Variants in SMG6 observed in about 807,000 individuals in gnomAD.
SMG6 encodes SMG6 nonsense mediated mRNA decay factor, also known as telomerase-binding protein EST1A.
Under a neutral mutation model 142.2 loss-of-function variants are expected in SMG6, and 66 were observed. The observed-to-expected ratio is 0.46, with a 90% CI of 0.38 to 0.57. SMG6 has a LOEUF of 0.57. Ranked by LOEUF, SMG6 falls within the 20% of genes least tolerant of loss-of-function variation. The probability of loss-of-function intolerance (pLI) is 0.00; values close to 1 mark genes in which losing one functional copy is unlikely to be tolerated. For missense variants in SMG6, 1,793 were observed against 1,832.0 expected (o/e 0.98, Z 0.39); for synonymous variants, 779 against 702.4 (o/e 1.11, Z -1.72).
Position 2,282,704 on chromosome 17 carries a change from A to C in SMG6, c.2604T>G (p.Thr868=), listed in dbSNP as rs373141049. The change falls in exon 8 of 19, where the codon ACT becomes ACG. Residue 868 remains threonine, a synonymous_variant. Coordinates refer to ENST00000263073, the MANE Select transcript of SMG6 (RefSeq NM_017575.5). ...HPSHPRSSQG[T]ESGKDSEQEN... ...CTTGCTCAGAATCCTTCCCAGACTC[A>C]GTGCCCTGGGAAGACCGTGGATGGG... The C allele has an allele frequency of 1.1e-5, 17 of 1,614,030 alleles. No homozygotes were observed. The highest frequency in any genetic ancestry group is 1.4e-5 in the Non-Finnish European group (17 of 1,180,020).
At chr17:2,194,980 C>T (rs1463028440) in intron 10 of SMG6, among the ~76,000 whole-genome samples, 2 of 152,192 alleles carry the variant, frequency 1.3e-5, no homozygotes, top group Non-Finnish European at 2.9e-5. Context: ...TGGGCCAAGT[C>T]CTGTCTTTCC....
intron 8 of SMG6, among the ~76,000 whole-genome samples, chr17:2,270,508 T>C (rs1372686372): frequency 1.3e-5 from 2 of 152,098 alleles, no homozygotes; most frequent in African/African-American, 4.8e-5. Flanking sequence ...CTCAGGAGGC[T>C]GAGGCAGGAA....
At chr17:2,134,911 ACT>A (rs2070245041) in intron 13 of SMG6, among the ~76,000 whole-genome samples, 1 of 151,438 alleles carries the variant, frequency 6.6e-6, no homozygotes, top group African/African-American at 2.4e-5. Flanking sequence ...ACAGAGTCTC[ACT>A]CTGTCACCCA....
Position 2,065,527 on chromosome 17 carries a change from T to C in SMG6, c.3988A>G (p.Ser1330Gly), listed in dbSNP as rs2067916625. 6.2e-7 allele frequency: 1 copy of C among 1,614,000 alleles called. No homozygotes were observed. The highest frequency in any genetic ancestry group is 1.3e-5 in the African/African-American group (1 of 75,054). Reference sequence around the variant, plus strand: ...ATGGATTCGAGTTCATTGCCACGGCTGGTCAGGGCTCGCAGGCAAGAGTCC... The same window carrying C: ...ATGGATTCGAGTTCATTGCCACGGCCGGTCAGGGCTCGCAGGCAAGAGTCC... Reference protein sequence around the residue: ...SRDSCLRALTSRGNELESIAF... With the variant: ...SRDSCLRALTGRGNELESIAF... The change falls in exon 17 of 19, where the codon AGC (serine) becomes GGC (glycine). Residue 1330 changes from serine (S) to glycine (G), a missense_variant. Physicochemically the swap from Ser to Gly is moderately conservative, Grantham distance 56. Coordinates refer to ENST00000263073, the MANE Select transcript of SMG6 (RefSeq NM_017575.5).
chr17:2,283,606 C>A lies in SMG6; in HGVS notation c.2448+19G>T, dbSNP rs1408900631. 6.3e-7 allele frequency: 1 copy of A among 1,582,914 alleles called. No homozygotes were observed. Among genetic ancestry groups the A allele is most frequent in the Non-Finnish European group, 8.7e-7 (1 of 1,151,920 alleles). ...TGCACTATTCGAGGAAGGAAGGGTT[C>A]TGCCACATCCCCACTCACCTTCCGC... On this transcript the variant is annotated intron_variant, in intron 7 of 18. Coordinates refer to ENST00000263073, the MANE Select transcript of SMG6 (RefSeq NM_017575.5).
chr17:2,155,140 C>G (rs750114755), intron 13 of SMG6, among the ~76,000 whole-genome samples: 3 of 151,854 alleles, frequency 2.0e-5, no homozygotes, highest in Non-Finnish European at 4.4e-5. Flanking sequence ...GCAACCTCCA[C>G]CTTGCTGGTT....
intron 1 of SMG6, among the ~76,000 whole-genome samples, chr17:2,301,659 G>A (rs138688690): frequency 1.5e-3 from 229 of 151,722 alleles, no homozygotes; most frequent in African/African-American, 1.8e-3. Flanking sequence ...TGGCTAACAC[G>A]GTGAAACCCC....
At chr17:2,084,429 A>G (rs2068502786) in intron 14 of SMG6, among the ~76,000 whole-genome samples, 1 of 152,132 alleles carries the variant, frequency 6.6e-6, no homozygotes, top group African/African-American at 2.4e-5. Flanking sequence ...TATCCCTGGA[A>G]CCACCTCTGT....
At chr17:2,147,861 C>T (rs1172805512) in intron 13 of SMG6, among the ~76,000 whole-genome samples, 1 of 152,178 alleles carries the variant, frequency 6.6e-6, no homozygotes, top group Non-Finnish European at 1.5e-5. Flanking sequence ...TAAAATAGTA[C>T]AGCCGCTGTG....
At chr17:2,108,541 G>A (rs915805127) in intron 13 of SMG6, among the ~76,000 whole-genome samples, 39 of 152,242 alleles carry the variant, frequency 2.6e-4, no homozygotes, top group Admixed American at 1.4e-3. Flanking sequence ...TGAGGCAGAA[G>A]AATTGCTTGA....
At chr17:2,201,479 C>T (rs764547534) in intron 10 of SMG6, among the ~76,000 whole-genome samples, 2 of 151,974 alleles carry the variant, frequency 1.3e-5, no homozygotes, top group Non-Finnish European at 2.9e-5. Context: ...GGATGGCTTG[C>T]GGTCAGGAGT....
rs191053374 is a variant in SMG6, at chr17:2,161,784, T to C, written c.3357+10874A>G. Reference sequence around the variant, plus strand: ...TTCTAGACTTTGAGGTGCTTTTGAATCCAGGGCATTCCAAGATTTGAAGAA... The same window carrying C: ...TTCTAGACTTTGAGGTGCTTTTGAACCCAGGGCATTCCAAGATTTGAAGAA... On this transcript the variant is annotated intron_variant, in intron 13 of 18. Transcript: ENST00000263073. Among the ~76,000 whole-genome samples, 8 of 152,230 alleles carry C rather than the reference T, an allele frequency of 5.3e-5. No homozygotes were observed. In the East Asian group the frequency reaches 1.3e-3, roughly 26 times the overall value.
At chr17:2,246,866 A>G (rs1386228998) in intron 8 of SMG6, among the ~76,000 whole-genome samples, 1 of 152,190 alleles carries the variant, frequency 6.6e-6, no homozygotes, top group Non-Finnish European at 1.5e-5. Flanking sequence ...GAATCGCTTG[A>G]ACCCGGGAGG....
chr17:2,243,872 G>A (rs1303952850), intron 9 of SMG6, among the ~76,000 whole-genome samples: 1 of 152,078 alleles, frequency 6.6e-6, no homozygotes, highest in Non-Finnish European at 1.5e-5. Flanking sequence ...ACTGGTCTGG[G>A]GGCACTGCCA....
At chr17:2,282,058 T>C (rs1441540129) in intron 8 of SMG6, among the ~76,000 whole-genome samples, 1 of 152,216 alleles carries the variant, frequency 6.6e-6, no homozygotes, top group South Asian at 2.1e-4. Flanking sequence ...TCCACTAGAA[T>C]GCACTGAGAC....
At chr17:2,098,482 CT>C (rs916632167) in intron 13 of SMG6, among the ~76,000 whole-genome samples, 18 of 152,170 alleles carry the variant, frequency 1.2e-4, no homozygotes, top group Non-Finnish European at 2.4e-4. Context: ...GTGTGGCTGA[CT>C]TTTTGGACCA....
intron 15 of SMG6, among the ~76,000 whole-genome samples, chr17:2,069,975 T>C (rs1181179900): frequency 6.6e-6 from 1 of 152,208 alleles, no homozygotes; most frequent in Non-Finnish European, 1.5e-5. Context: ...ATTGACAGCC[T>C]AGTCATATGC....
intron 12 of SMG6, among the ~76,000 whole-genome samples, chr17:2,173,710 A>C (rs771256840): frequency 6.6e-6 from 1 of 152,184 alleles, no homozygotes; most frequent in Non-Finnish European, 1.5e-5. Flanking sequence ...TTGAAACTGC[A>C]AAGTCTGGCT....
At chr17:2,098,539 T>C (rs2068919978) in intron 13 of SMG6, among the ~76,000 whole-genome samples, 1 of 152,240 alleles carries the variant, frequency 6.6e-6, no homozygotes, top group Non-Finnish European at 1.5e-5. Context: ...TCTTGTCATT[T>C]ACTTCTCCCC....
Sources: gnomAD v4.1 joint callset for allele counts (sites outside exome capture counted in the v4.1 genomes callset) on GRCh38, gnomAD v4.1.1 for gene constraint, MANE v1.5 for transcripts, NCBI Gene and HGNC (gene_info 2026-07-23, HGNC 2026-07-21) for gene names.